The following ATG4C variants were observed in gnomAD, a reference collection of about 807,000 sequenced individuals.
The protein encoded by ATG4C is autophagy related 4C cysteine peptidase.
In ATG4C, 56 loss-of-function variants were observed where a neutral mutation model predicts 57.6. That is an observed-to-expected ratio of 0.97 (90% confidence interval 0.78 to 1.21). The LOEUF is 1.21. ATG4C is among the 50% of genes most tolerant of loss of function. ATG4C has a pLI of 0.00. For synonymous variants in ATG4C, 157 were observed against 174.1 expected (o/e 0.90, Z 0.78); for missense variants, 595 against 529.8 (o/e 1.12, Z -1.21).
chr1:62,813,664 C>T (rs1317516542), intron 3 of ATG4C, among the ~76,000 whole-genome samples: 1 of 152,080 alleles, frequency 6.6e-6, no homozygotes, highest in Non-Finnish European at 1.5e-5. Context: ...AAATAGGCAA[C>T]CTATAGAATG....
At chr1:62,840,561 T>TA (rs1666136362) in intron 9 of ATG4C, among the ~76,000 whole-genome samples, 1 of 151,984 alleles carries the variant, frequency 6.6e-6, no homozygotes, top group Non-Finnish European at 1.5e-5. Flanking sequence ...ATTTAAGCAT[T>TA]AAAAAAATTT....
chr1:62,862,835 G>A (rs972299164), intron 10 of ATG4C, among the ~76,000 whole-genome samples: 42 of 151,972 alleles, frequency 2.8e-4, no homozygotes, highest in African/African-American at 9.7e-4. Context: ...AGAAATTGAT[G>A]ATCCTTCAGT....
At chr1:62,863,930 C>T (rs993568275) in intron 10 of ATG4C, 62 bp from the exon 11 acceptor site, 29 of 1,170,534 alleles carry the variant, frequency 2.5e-5, no homozygotes, top group African/African-American at 1.4e-4. Context: ...GTAGATTTGT[C>T]GTGTGGTCTT....
At chr1:62,849,203 A>C (rs577929048) in intron 10 of ATG4C, among the ~76,000 whole-genome samples, 27 of 152,194 alleles carry the variant, frequency 1.8e-4, no homozygotes, top group African/African-American at 6.5e-4. Context: ...AGTTGACCAG[A>C]ATGACTTCTT....
At chr1:62,839,407 G>C (rs925194101) in intron 9 of ATG4C, among the ~76,000 whole-genome samples, 1 of 152,200 alleles carries the variant, frequency 6.6e-6, no homozygotes, top group Non-Finnish European at 1.5e-5. Flanking sequence ...ACCCTTTGTA[G>C]ATGAGTTCAA....
Position 62,864,094 on chromosome 1 carries a change from CT to C in ATG4C, c.1318del (p.Ser440GlnfsTer8), listed in dbSNP as rs35696652. 4.4e-6 allele frequency: 7 copies of C among 1,607,508 alleles called. No individual in the cohort carries two copies. The highest frequency in any genetic ancestry group is 5.9e-6 in the Non-Finnish European group (7 of 1,177,384). ...FTSTTTNEED[L>X]FSEDEKKQLK... ...ATCTACTACAACCAATGAAGAAGACCTTTTTTCAGAGGATGAAAAGAAACAA... is the reference window on the plus strand; with the variant it reads ...ATCTACTACAACCAATGAAGAAGACCTTTTTCAGAGGATGAAAAGAAACAA... On this transcript the variant is annotated frameshift_variant, in exon 11 of 11. Coordinates refer to ENST00000317868, the MANE Select transcript of ATG4C (RefSeq NM_032852.4). LOFTEE classifies it high-confidence loss of function.
At chr1:62,809,100 AT>A (rs1447562846) in intron 3 of ATG4C, among the ~76,000 whole-genome samples, 8 of 151,768 alleles carry the variant, frequency 5.3e-5, no homozygotes, top group Non-Finnish European at 1.0e-4. Flanking sequence ...CGCCCAGTTA[AT>A]TTTTTATTTT....
intron 6 of ATG4C, among the ~76,000 whole-genome samples, chr1:62,827,155 G>A (rs1318523510): frequency 6.6e-6 from 1 of 152,044 alleles, no homozygotes; most frequent in Non-Finnish European, 1.5e-5. Context: ...TGAAAAACTG[G>A]TCTTTACAAT....
chr1:62,861,586 C>T (rs1347573682), intron 10 of ATG4C, among the ~76,000 whole-genome samples: 1 of 58,670 alleles, frequency 1.7e-5, no homozygotes, highest in Non-Finnish European at 3.3e-5. Context: ...AACACACACA[C>T]ACACACACAC....
chr1:62,829,101 C>T lies in ATG4C; in HGVS notation c.858C>T (p.Asp286=). The T allele has an allele frequency of 6.2e-7, 1 of 1,612,918 alleles. No homozygotes were observed. Among genetic ancestry groups the T allele is most frequent in the Non-Finnish European group, 8.5e-7 (1 of 1,179,252 alleles). The change falls in exon 7 of 11, where the codon GAC becomes GAT. Residue 286 remains aspartate, a synonymous_variant. Transcript: ENST00000317868. The stretch of plus-strand genomic sequence containing the variant: ...CCATGACTTCTGATAATGCAGATGA[C>T]AAAGCTGTTATTATTCTAGTTCCTG... ...SASMTSDNAD[D]KAVIILVPVR... is the part of the protein sequence containing the mutation.
Position 62,819,297 on chromosome 1 carries a change from A to G in ATG4C, c.687A>G (p.Gly229=). ...EYGKKSGKKA[G]DWYGPAVVAH... is the part of the protein sequence containing the mutation. The stretch of plus-strand genomic sequence containing the variant: ...GAAAGAAGTCTGGGAAAAAAGCAGG[A>G]GATTGGTATGGACCAGCTGTGGTTG... Residue 229 remains glycine, a synonymous_variant, in exon 5 of 11, where the codon GGA becomes GGG. Coordinates refer to ENST00000317868, the MANE Select transcript of ATG4C (RefSeq NM_032852.4). The G allele has an allele frequency of 6.2e-7, 1 of 1,611,296 alleles. No homozygotes were observed. Among genetic ancestry groups the G allele is most frequent in the Middle Eastern group, 1.7e-4 (1 of 6,038 alleles).
At chr1:62,822,040 G>A (rs765436301) in intron 6 of ATG4C, among the ~76,000 whole-genome samples, 16 of 151,938 alleles carry the variant, frequency 1.1e-4, no homozygotes, top group Admixed American at 7.9e-4. Context: ...AACTTGTTGC[G>A]GATAAAATAG....
chr1:62,784,574 T>C (rs1204733637), intron 1 of ATG4C, among the ~76,000 whole-genome samples: 1 of 152,206 alleles, frequency 6.6e-6, no homozygotes, highest in African/African-American at 2.4e-5. Flanking sequence ...TCCCCTGATC[T>C]ATCGCATCCA....
intron 1 of ATG4C, among the ~76,000 whole-genome samples, chr1:62,793,502 A>G (rs1319550349): frequency 2.7e-5 from 4 of 148,872 alleles, no homozygotes; most frequent in African/African-American, 4.9e-5. Flanking sequence ...AGTCCCAACT[A>G]CTAGGGAACT....
intron 9 of ATG4C, among the ~76,000 whole-genome samples, chr1:62,838,321 A>T (rs1666058639): frequency 6.6e-6 from 1 of 152,222 alleles, no homozygotes; most frequent in Non-Finnish European, 1.5e-5. Flanking sequence ...TTAGAATTTT[A>T]AAAATTAAAA....
rs567354888 is a variant in ATG4C, at chr1:62,857,818, G to T, written c.1210-6174G>T. On this transcript the variant is annotated intron_variant, in intron 10 of 10. Coordinates refer to ENST00000317868, the MANE Select transcript of ATG4C (RefSeq NM_032852.4). ...TCATCCCTCTTTCTTTTTTGCTAAAGAATCCTGATTTTGTTTGCAGTGACA... is the reference window on the plus strand; with the variant it reads ...TCATCCCTCTTTCTTTTTTGCTAAATAATCCTGATTTTGTTTGCAGTGACA... Among the ~76,000 whole-genome samples, 3 of 152,210 alleles carry T rather than the reference G, an allele frequency of 2.0e-5. No individual in the cohort carries two copies. The South Asian group carries it at 6.2e-4, about 32-fold the overall frequency.
intron 3 of ATG4C, among the ~76,000 whole-genome samples, chr1:62,814,159 G>A (rs1351972657): frequency 3.3e-5 from 5 of 152,176 alleles, no homozygotes; most frequent in Non-Finnish European, 2.9e-5. Flanking sequence ...TGTTTATTGC[G>A]GCACTATTCA....
Position 62,819,256 on chromosome 1 carries a change from C to G in ATG4C, c.646C>G (p.Gln216Glu). 6.2e-7 allele frequency: 1 copy of G among 1,613,316 alleles called. No homozygotes were observed. The highest frequency in any genetic ancestry group is 8.5e-7 in the Non-Finnish European group (1 of 1,179,624). Residue 216 changes from glutamine to glutamate, a missense_variant, in exon 5 of 11, where the codon CAA becomes GAA. Transcript: ENST00000317868. ...DSPLALFGLH[Q>E]LIEYGKKSGK... ...CCCCTTGGCTCTTTTTGGCTTACATCAACTAATAGAATATGGAAAGAAGTC... is the reference window on the plus strand; with the variant it reads ...CCCCTTGGCTCTTTTTGGCTTACATGAACTAATAGAATATGGAAAGAAGTC...
intron 8 of ATG4C, 102 bp downstream of exon 8, chr1:62,834,218 A>G: frequency 9.8e-7 from 1 of 1,021,576 alleles, no homozygotes; most frequent in Non-Finnish European, 1.5e-6. Flanking sequence ...GAGCAAAACG[A>G]GTACCTTATA....
Sources: allele counts gnomAD v4.1 joint callset (sites outside exome capture counted in the v4.1 genomes callset), GRCh38; gene constraint gnomAD v4.1.1; transcripts MANE v1.5; gene names NCBI Gene and HGNC (gene_info 2026-07-23, HGNC 2026-07-21).